Variants in CRAMP1 observed in about 807,000 individuals in gnomAD.
CRAMP1 encodes cramped chromatin regulator 1.
CRAMP1 carries 50 observed loss-of-function variants against 115.4 expected under a neutral mutation model. The ratio of observed to expected loss-of-function variants is 0.43; its 90% confidence interval spans 0.35 to 0.55. The LOEUF (loss-of-function observed/expected upper bound fraction) is 0.55. Among genes scored for constraint, CRAMP1 ranks in the 20% least tolerant of loss-of-function variants. The pLI is 0.01. For synonymous variants in CRAMP1, 866 were observed against 745.4 expected (o/e 1.16, Z -2.64); for missense variants, 1,679 against 1,721.7 (o/e 0.98, Z 0.44).
At position 1,628,549 on chromosome 16, in the gene CRAMP1, T is replaced by G. The variant is rs572620790; in HGVS notation, c.540+2383T>G. On this transcript the variant is annotated intron_variant, in intron 3 of 20. Coordinates refer to ENST00000397412, the MANE Select transcript of CRAMP1 (RefSeq NM_020825.4). ...GATTACAGGCATGAGTCACCGCACC[T>G]GGCCTAACACGTTTCATTTCTGCAT... 1.3e-3 allele frequency among the ~76,000 whole-genome samples: 199 copies of G among 152,372 alleles called. 3 individuals are homozygous for G. Among genetic ancestry groups the G allele is most frequent in the African/African-American group, 7.2e-4 (30 of 41,590 alleles).
chr16:1,625,811 T>A (rs2036503386), intron 2 of CRAMP1, 162 bp from the exon 3 acceptor site: 1 of 617,548 alleles, frequency 1.6e-6, no homozygotes, highest in South Asian at 2.1e-5. Flanking sequence ...CTAAGCAGCC[T>A]CGCTGGTGCC....
In CRAMP1 at chr16:1,666,768, G is replaced by A. The variant is rs922034648; in HGVS notation, c.3036+168G>A. Among the ~76,000 whole-genome samples the A allele has an allele frequency of 2.6e-5, 4 of 152,234 alleles. No individual in the cohort carries two copies. The highest frequency in any genetic ancestry group is 5.9e-5 in the Non-Finnish European group (4 of 68,038). ...CTCTGTGTAGTACAGAGCAGGAGAG[G>A]CCTCCGGAGCCACTGACGAAAGGTG... On this transcript the variant is annotated intron_variant, in intron 16 of 20. Transcript: ENST00000397412. The surrounding 1 kb of genome is among the most constrained non-coding windows in gnomAD (Gnocchi z 5.0).
At chr16:1,649,992 T>C (rs984827064) in intron 6 of CRAMP1, among the ~76,000 whole-genome samples, 2 of 151,582 alleles carry the variant, frequency 1.3e-5, no homozygotes, top group Non-Finnish European at 2.9e-5. Flanking sequence ...CAGGGTTTCG[T>C]CATATTGGTC....
intron 6 of CRAMP1, among the ~76,000 whole-genome samples, chr16:1,652,123 G>T (rs1198152866): frequency 6.6e-6 from 1 of 152,238 alleles, no homozygotes; most frequent in African/African-American, 2.4e-5. Context: ...CCCAAAGTGG[G>T]AGGACTGCAC....
chr16:1,627,861 GT>G (rs1238609118), intron 3 of CRAMP1, among the ~76,000 whole-genome samples: 2 of 152,268 alleles, frequency 1.3e-5, no homozygotes, highest in East Asian at 3.9e-4. Context: ...TTCCTGGAAT[GT>G]TTTCAGAATC....
chr16:1,632,499 GCCTTGC>G, intron 4 of CRAMP1, 134 bp downstream of exon 4: 1 of 891,066 alleles, frequency 1.1e-6, no homozygotes, highest in Non-Finnish European at 1.7e-6. Context: ...GGGGCTCCTC[GCCTTGC>G]AGCGCTTTGG....
In CRAMP1 at chr16:1,666,724, G is replaced by T; in HGVS notation, c.3036+124G>T. On this transcript the variant is annotated intron_variant, in intron 16 of 20. Transcript: ENST00000397412. This position sits in a 1 kb window ranked among gnomAD's most constrained non-coding sequence, Gnocchi z 5.0. ...TTGGAGGAGAGTCTCTGGACCAGGGGTGCCATGGCATAAGCAAACTCTGTG... is the reference window on the plus strand; with the variant it reads ...TTGGAGGAGAGTCTCTGGACCAGGGTTGCCATGGCATAAGCAAACTCTGTG... 1.1e-6 allele frequency: 1 copy of T among 895,690 alleles called. No homozygotes were observed. Among genetic ancestry groups the T allele is most frequent in the Non-Finnish European group, 1.7e-6 (1 of 581,524 alleles). The allele number at this position is 895,690 out of a possible 1,614,324, so 55.5% of individuals were successfully genotyped here.
chr16:1,642,771 C>T (rs145245093), intron 6 of CRAMP1, among the ~76,000 whole-genome samples: 2 of 152,366 alleles, frequency 1.3e-5, no homozygotes, highest in East Asian at 1.9e-4. Context: ...GCAAATCTTA[C>T]TTCACCTTTT....
rs572993178 is a variant in CRAMP1 at position 1,670,553 on chromosome 16, G to C, written c.3500-111G>C. ...CTTCGCACAAGTCTGGATTGGGGCC[G>C]GGGCCGGGGCTAGGGCTTGGGCTGG... On this transcript the variant is annotated intron_variant, in intron 19 of 20. Transcript: ENST00000397412. The C allele has an allele frequency of 1.6e-3, 1,854 of 1,181,196 alleles. 2 individuals carry two copies. Among genetic ancestry groups the C allele is most frequent in the Non-Finnish European group, 1.5e-3 (1,269 of 823,774 alleles). The allele number at this position is 1,181,196 out of a possible 1,614,324, so 73.2% of individuals were successfully genotyped here.
intron 6 of CRAMP1, among the ~76,000 whole-genome samples, chr16:1,650,337 G>A (rs1350416362): frequency 1.3e-5 from 2 of 152,168 alleles, no homozygotes; most frequent in African/African-American, 2.4e-5. Context: ...GCCAAACTGC[G>A]GGAGTCATCT....
chr16:1,656,942 C>A lies in CRAMP1; in HGVS notation c.2185C>A (p.Leu729Ile). 6.4e-7 allele frequency: 1 copy of A among 1,560,924 alleles called. No individual in the cohort carries two copies. Among genetic ancestry groups the A allele is most frequent in the African/African-American group, 1.4e-5 (1 of 73,602 alleles). ...ACCCACCGCCCTCCACAAGCAGCGC[C>A]TCCTCAGCTGCCTCCTGAAGCTCAT... ...SLPTALHKQR[L>I]LSCLLKLIST... The change falls in exon 10 of 21, where the codon CTC (leucine) becomes ATC (isoleucine). Residue 729 changes from leucine to isoleucine, a missense_variant. Physicochemically the swap from Leu to Ile is conservative, Grantham distance 5. This residue lies in a region of CRAMP1 where 709 missense variants were observed against 741.9 expected (regional missense o/e 0.96). Transcript: ENST00000397412. The surrounding 1 kb of genome is among the most constrained non-coding windows in gnomAD (Gnocchi z 5.6).
Position 1,669,553 on chromosome 16 carries a change from C to T in CRAMP1, c.3499+388C>T, listed in dbSNP as rs116865118. On this transcript the variant is annotated intron_variant, in intron 19 of 20. Transcript: ENST00000397412. This position sits in a 1 kb window ranked among gnomAD's most constrained non-coding sequence, Gnocchi z 4.6. ...GTGTCTTGGCACTCTCTTGGCTCTT[C>T]TCTTTCTGTGGTCAGTAAGGTATTC... is the stretch of plus-strand genomic sequence containing the variant. 1.4e-4 allele frequency among the ~76,000 whole-genome samples: 21 copies of T among 152,342 alleles called. 1 individual carries two copies. The East Asian group carries it at 4.1e-3, about 29-fold the overall frequency.
chr16:1,656,923 C>T lies in CRAMP1; in HGVS notation c.2166C>T (p.Thr722=), dbSNP rs572522661. 5.9e-5 allele frequency: 92 copies of T among 1,557,068 alleles called. No homozygotes were observed. Among genetic ancestry groups the T allele is most frequent in the South Asian group, 3.8e-4 (32 of 84,400 alleles). ...ACCCCCGCCCCGGCTCCCTACCCAC[C>T]GCCCTCCACAAGCAGCGCCTCCTCA... ...RQDPRPGSLP[T]ALHKQRLLSC... The change falls in exon 10 of 21, where the codon ACC becomes ACT. Residue 722 remains threonine (T), a synonymous_variant. Coordinates refer to ENST00000397412, the MANE Select transcript of CRAMP1 (RefSeq NM_020825.4). This position sits in a 1 kb window ranked among gnomAD's most constrained non-coding sequence, Gnocchi z 5.6.
chr16:1,620,189 T>A (rs1368588009), intron 2 of CRAMP1, among the ~76,000 whole-genome samples: 1 of 152,090 alleles, frequency 6.6e-6, no homozygotes, highest in Non-Finnish European at 1.5e-5. Flanking sequence ...TGATGCGATG[T>A]CTTGTGTTAG....
intron 3 of CRAMP1, among the ~76,000 whole-genome samples, chr16:1,629,366 G>T (rs1331863034): frequency 6.6e-6 from 1 of 152,188 alleles, no homozygotes; most frequent in Non-Finnish European, 1.5e-5. Flanking sequence ...CTTCACCCCA[G>T]ACAGCTCTCT....
At chr16:1,648,059 G>A (rs1264383811) in intron 6 of CRAMP1, among the ~76,000 whole-genome samples, 2 of 151,964 alleles carry the variant, frequency 1.3e-5, no homozygotes, top group Non-Finnish European at 2.9e-5. Flanking sequence ...AAAAGACGGA[G>A]GACTGTAACC....
chr16:1,658,254 C>G (rs1351363498), intron 10 of CRAMP1, among the ~76,000 whole-genome samples: 1 of 151,892 alleles, frequency 6.6e-6, no homozygotes, highest in Non-Finnish European at 1.5e-5. Flanking sequence ...ACCTCTGAGG[C>G]CAAGCCTGAG....
chr16:1,650,198 T>G (rs1170580479), intron 6 of CRAMP1, among the ~76,000 whole-genome samples: 1 of 152,198 alleles, frequency 6.6e-6, no homozygotes, highest in African/African-American at 2.4e-5. Context: ...GCTAGGACCC[T>G]TTTAAAAGGA....
chr16:1,620,372 T>C (rs911932297), intron 2 of CRAMP1, among the ~76,000 whole-genome samples: 1 of 152,152 alleles, frequency 6.6e-6, no homozygotes, highest in African/African-American at 2.4e-5. Context: ...GGAGATGCCC[T>C]TCCACGAGCG....
Sources: allele counts gnomAD v4.1 joint callset (sites outside exome capture counted in the v4.1 genomes callset), GRCh38; gene constraint gnomAD v4.1.1; regional missense constraint gnomAD v4.1.1; non-coding constraint Gnocchi (gnomAD v3.1); transcripts MANE v1.5; gene names NCBI Gene and HGNC (gene_info 2026-07-23, HGNC 2026-07-21).